Variants in SNTG2 observed in about 807,000 individuals in gnomAD.
SNTG2 encodes the protein syntrophin gamma 2.
A neutral mutation model predicts 70.9 loss-of-function variants in SNTG2; 74 were observed. The observed-to-expected ratio is 1.04, with a 90% confidence interval of 0.86 to 1.27. SNTG2 has a LOEUF of 1.27. SNTG2 is among the 50% of genes most tolerant of loss of function. The probability of loss-of-function intolerance (pLI) is 0.00; values close to 1 mark genes in which losing one functional copy is unlikely to be tolerated. For missense variants in SNTG2, 717 were observed against 690.7 expected (o/e 1.04, Z -0.43); for synonymous variants, 278 against 273.8 (o/e 1.02, Z -0.15).
At chr2:1,256,383 A>G (rs1345692577) in intron 12 of SNTG2, 2 of 152,166 alleles carry the variant, frequency 1.3e-5, no homozygotes, top group Admixed American at 1.3e-4. Context: ...AATTTAGCCA[A>G]GTTTTTTCAC....
At chr2:1,265,532 G>C (rs1023365296) in intron 13 of SNTG2, among the ~76,000 whole-genome samples, 5 of 152,244 alleles carry the variant, frequency 3.3e-5, no homozygotes, top group African/African-American at 1.2e-4. Flanking sequence ...ATCCTGCAGA[G>C]CCATCTGCGG....
intron 16 of SNTG2, among the ~76,000 whole-genome samples, chr2:1,364,876 C>T (rs1030187925): frequency 5.9e-5 from 9 of 152,190 alleles, no homozygotes; most frequent in Non-Finnish European, 8.8e-5. Flanking sequence ...TGCCACTGCA[C>T]TCCAGCCTGG....
chr2:1,281,280 T>G (rs1679512647), intron 14 of SNTG2, among the ~76,000 whole-genome samples: 2 of 27,048 alleles, frequency 7.4e-5, no homozygotes, highest in Non-Finnish European at 1.4e-4. Flanking sequence ...GCTTGTGTAT[T>G]TGGTGTTTAT....
At chr2:1,026,725 C>A (rs963084144) in intron 1 of SNTG2, among the ~76,000 whole-genome samples, 1 of 152,156 alleles carries the variant, frequency 6.6e-6, no homozygotes, top group South Asian at 2.1e-4. Flanking sequence ...TTTAAAAATA[C>A]CCCGATTCCA....
intron 2 of SNTG2, among the ~76,000 whole-genome samples, chr2:1,092,311 C>G (rs563697930): frequency 3.9e-4 from 59 of 151,318 alleles, no homozygotes; most frequent in Non-Finnish European, 7.9e-4. Context: ...CCATTCTCTC[C>G]TTACAAGAGT....
At chr2:951,131 C>T (rs1477300968) in intron 1 of SNTG2, 63 bp downstream of exon 1, 1 of 718,408 alleles carries the variant, frequency 1.4e-6, no homozygotes, top group Non-Finnish European at 1.9e-6. Flanking sequence ...TCGCGCCCTT[C>T]TCCCCCCGCC....
intron 1 of SNTG2, among the ~76,000 whole-genome samples, chr2:1,066,636 C>T (rs992951925): frequency 6.6e-6 from 1 of 152,012 alleles, no homozygotes; most frequent in African/African-American, 2.4e-5. Flanking sequence ...ATAAAATCCA[C>T]TTTTTGTCAC....
At chr2:1,325,808 A>G (rs1031161248) in intron 16 of SNTG2, among the ~76,000 whole-genome samples, 1 of 152,142 alleles carries the variant, frequency 6.6e-6, no homozygotes, top group African/African-American at 2.4e-5. Flanking sequence ...AGTCAGGATT[A>G]TCACTGATAA....
At chr2:1,142,141 G>T (rs1002194496) in intron 6 of SNTG2, among the ~76,000 whole-genome samples, 1 of 152,192 alleles carries the variant, frequency 6.6e-6, no homozygotes, top group African/African-American at 2.4e-5. Context: ...CCTCTTTACT[G>T]TGGTAAGTCC....
At chr2:1,157,832 A>C (rs1018915232) in intron 6 of SNTG2, among the ~76,000 whole-genome samples, 1 of 152,224 alleles carries the variant, frequency 6.6e-6, no homozygotes, top group African/African-American at 2.4e-5. Context: ...ATATGAGCCC[A>C]GCACCGCAAT....
chr2:1,060,534 C>T (rs1662748805), intron 1 of SNTG2, among the ~76,000 whole-genome samples: 1 of 152,148 alleles, frequency 6.6e-6, no homozygotes, highest in Admixed American at 6.5e-5. Context: ...ACCAGGGCCC[C>T]TGAGGACAGT....
intron 16 of SNTG2, among the ~76,000 whole-genome samples, chr2:1,321,930 CTCCT>C (rs897076795): frequency 2.7e-5 from 4 of 150,886 alleles, no homozygotes; most frequent in African/African-American, 7.3e-5. Context: ...CCTTCCTTCT[CTCCT>C]TCCTTCCTTC....
At chr2:1,293,549 TTG>T (rs1680076780) in intron 14 of SNTG2, among the ~76,000 whole-genome samples, 1 of 152,140 alleles carries the variant, frequency 6.6e-6, no homozygotes, top group Non-Finnish European at 1.5e-5. Flanking sequence ...TTCTGGTGTG[TTG>T]TGTTTTTTAT....
chr2:1,120,729 C>T (rs371413283), intron 4 of SNTG2, among the ~76,000 whole-genome samples: 93 of 151,886 alleles, frequency 6.1e-4, no homozygotes, highest in African/African-American at 2.0e-3. Context: ...TATATGCATC[C>T]GACATTGGAG....
intron 9 of SNTG2, among the ~76,000 whole-genome samples, chr2:1,225,809 C>T (rs1388562803): frequency 6.6e-6 from 1 of 152,206 alleles, no homozygotes; most frequent in South Asian, 2.1e-4. Context: ...TCGTCCTGCT[C>T]TTGAGTGACA....
chr2:951,051 C>T lies in SNTG2; in HGVS notation c.55C>T (p.Leu19=). Residue 19 remains leucine, a synonymous_variant, in exon 1 of 17, where the codon CTG becomes TTG. Coordinates refer to ENST00000308624, the MANE Select transcript of SNTG2 (RefSeq NM_018968.4). The stretch of plus-strand genomic sequence containing the variant: ...CGCCTCCCGCGGACGCCAGGGCTGC[C>T]TGCTGGTACCTGCGCGGGTGAGTGC... ...PAASRGRQGC[L]LVPARTKTTI... is the part of the protein sequence containing the mutation. 4 of 1,273,342 alleles carry T rather than the reference C, an allele frequency of 3.1e-6. No homozygotes were observed. The highest frequency in any genetic ancestry group is 4.0e-6 in the Non-Finnish European group (4 of 1,012,614). The allele number at this position is 1,273,342 out of a possible 1,614,324, so 78.9% of individuals were successfully genotyped here.
chr2:1,221,302 T>TGC (rs1674763379), intron 9 of SNTG2, among the ~76,000 whole-genome samples: 1 of 7,252 alleles, frequency 1.4e-4, no homozygotes, highest in African/African-American at 8.1e-4. Flanking sequence ...TCTCTGTCCC[T>TGC]CTCTGTCTCT....
At chr2:1,073,273 A>G (rs1041243155) in intron 1 of SNTG2, among the ~76,000 whole-genome samples, 4 of 152,210 alleles carry the variant, frequency 2.6e-5, no homozygotes, top group Non-Finnish European at 4.4e-5. Context: ...GAGTTAATCT[A>G]TGTGGCACAC....
At chr2:1,054,936 G>GTTTTAT (rs1553315636) in intron 1 of SNTG2, among the ~76,000 whole-genome samples, 1 of 149,732 alleles carries the variant, frequency 6.7e-6, no homozygotes, top group Non-Finnish European at 1.5e-5. Flanking sequence ...GGCTTTTTTT[G>GTTTTAT]TTTTGTTTTT....
Sources: gnomAD v4.1 joint callset for allele counts (sites outside exome capture counted in the v4.1 genomes callset) on GRCh38, gnomAD v4.1.1 for gene constraint, MANE v1.5 for transcripts, NCBI Gene and HGNC (gene_info 2026-07-23, HGNC 2026-07-21) for gene names.